Variants in HMG20A observed in about 807,000 individuals in gnomAD.
The protein encoded by HMG20A is high mobility group 20A, also known as high mobility group protein 20A.
A neutral mutation model predicts 43.9 loss-of-function variants in HMG20A; 17 were observed. The observed-to-expected ratio is 0.39, with a 90% CI of 0.27 to 0.58. The LOEUF is 0.58. HMG20A is among the 20% of genes least tolerant of loss of function. The probability of loss-of-function intolerance (pLI) is 0.59; values close to 1 mark genes in which losing one functional copy is unlikely to be tolerated. For synonymous variants in HMG20A, 132 were observed against 147.5 expected (o/e 0.89, Z 0.76); for missense variants, 341 against 438.2 (o/e 0.78, Z 1.98).
chr15:77,486,404 G>A (rs2072945827), downstream of HMG20A, among the ~76,000 whole-genome samples: 1 of 151,932 alleles, frequency 6.6e-6, no homozygotes, highest in African/African-American at 2.4e-5. Flanking sequence ...GGGATTACAG[G>A]TGCACGCCAC....
intron 1 of HMG20A, among the ~76,000 whole-genome samples, chr15:77,454,163 T>TAAA (rs531023947): frequency 7.7e-6 from 1 of 129,318 alleles, no homozygotes; most frequent in African/African-American, 2.9e-5. Context: ...CCCTGTCTCT[T>TAAA]AAAAAAAAAA....
In HMG20A at chr15:77,484,850, A is replaced by C. The variant is rs773597716; in HGVS notation, c.*1887A>C. On this transcript the variant is annotated 3_prime_UTR_variant, in exon 10 of 10. Coordinates refer to ENST00000336216, the MANE Select transcript of HMG20A (RefSeq NM_001304504.2). ...TATGGCAGAAGGACATCCAGAGCCC[A>C]TTCTGGAGTTTTGTTTTTTCCTTCT... 7 of 152,164 alleles carry C rather than the reference A, an allele frequency of 4.6e-5. No homozygotes were observed. The highest frequency in any genetic ancestry group is 1.0e-4 in the Non-Finnish European group (7 of 68,042). 9.4% of individuals were successfully genotyped at this position (152,164 alleles called of 1,614,324 possible). A position where few individuals can be genotyped will look rare whatever the true frequency, so the allele number is the denominator to read the frequency against.
At chr15:77,448,166 A>G (rs1483204891) in intron 1 of HMG20A, among the ~76,000 whole-genome samples, 1 of 152,164 alleles carries the variant, frequency 6.6e-6, no homozygotes, top group East Asian at 1.9e-4. Context: ...CGCTTCCCAA[A>G]TGATTTCCTT....
At chr15:77,430,639 A>C (rs2073474834) in intron 1 of HMG20A, among the ~76,000 whole-genome samples, 1 of 152,228 alleles carries the variant, frequency 6.6e-6, no homozygotes, top group East Asian at 1.9e-4. Context: ...CGGAGCAGAC[A>C]AAACTTGGAT....
chr15:77,467,057 G>T, intron 3 of HMG20A, 38 bp from the exon 4 acceptor site: 1 of 1,545,196 alleles, frequency 6.5e-7, no homozygotes, highest in Admixed American at 1.8e-5. Flanking sequence ...GATGGTTGTT[G>T]TTTGGTTTTT....
At chr15:77,422,340 A>G (rs1391226437) in intron 1 of HMG20A, among the ~76,000 whole-genome samples, 1 of 152,176 alleles carries the variant, frequency 6.6e-6, no homozygotes, top group Non-Finnish European at 1.5e-5. Context: ...GTTTTTTTAA[A>G]AAGCTGTTTG....
chr15:77,474,031 CTG>C (rs897763343), intron 6 of HMG20A, among the ~76,000 whole-genome samples: 2 of 152,128 alleles, frequency 1.3e-5, no homozygotes. Flanking sequence ...AGTTTTAAAA[CTG>C]TTTTTAAACA....
chr15:77,476,510 AAAG>A (rs1297750827), intron 6 of HMG20A, among the ~76,000 whole-genome samples: 3 of 146,650 alleles, frequency 2.0e-5, no homozygotes, highest in Admixed American at 6.8e-5. Flanking sequence ...AAAAAAAAAA[AAAG>A]CTAGTGGTGA....
intron 3 of HMG20A, among the ~76,000 whole-genome samples, chr15:77,465,127 T>C (rs2142336611): frequency 6.6e-6 from 1 of 151,548 alleles, no homozygotes; most frequent in East Asian, 2.0e-4. Flanking sequence ...CCAGGTGCAG[T>C]GGTGTGTGCC....
the HMG20A span, among the ~76,000 whole-genome samples, chr15:77,503,102 A>G: frequency 6.6e-6 from 1 of 152,182 alleles, no homozygotes; most frequent in African/African-American, 2.4e-5. Flanking sequence ...ATTCTTTTTT[A>G]AGGAAGATGC....
the HMG20A span, among the ~76,000 whole-genome samples, chr15:77,506,825 T>C: frequency 2.0e-5 from 3 of 152,238 alleles, no homozygotes; most frequent in Admixed American, 1.3e-4. Flanking sequence ...TGTAGGCGTT[T>C]CAGTGCCCCT....
chr15:77,504,915 G>T, the HMG20A span, among the ~76,000 whole-genome samples: 1 of 152,208 alleles, frequency 6.6e-6, no homozygotes, highest in Admixed American at 6.5e-5. Flanking sequence ...AGCAATAGGG[G>T]CCATGACATG....
intron 1 of HMG20A, among the ~76,000 whole-genome samples, chr15:77,444,330 T>G (rs944590655): frequency 6.6e-6 from 1 of 152,132 alleles, no homozygotes; most frequent in Non-Finnish European, 1.5e-5. Context: ...AACAAATCGT[T>G]CTGTAGATTC....
chr15:77,463,875 A>G (rs1277408987), intron 2 of HMG20A, among the ~76,000 whole-genome samples: 1 of 152,160 alleles, frequency 6.6e-6, no homozygotes, highest in East Asian at 1.9e-4. Flanking sequence ...CACTTTTTTC[A>G]TTAATAGTGT....
At chr15:77,477,679 C>T in intron 7 of HMG20A, 49 bp downstream of exon 7, 2 of 1,267,782 alleles carry the variant, frequency 1.6e-6, no homozygotes, top group Non-Finnish European at 2.3e-6. Flanking sequence ...TGACAGGGGA[C>T]TTAGTTCTCA....
At chr15:77,442,421 G>A (rs921264258) in intron 1 of HMG20A, among the ~76,000 whole-genome samples, 17 of 152,110 alleles carry the variant, frequency 1.1e-4, no homozygotes, top group African/African-American at 4.1e-4. Context: ...TGCACTCATG[G>A]GGAAATACTG....
At chr15:77,478,546 G>A (rs202155308) in intron 8 of HMG20A, 36 bp downstream of exon 8, 285 of 1,557,228 alleles carry the variant, frequency 1.8e-4, no homozygotes, top group Admixed American at 5.1e-5. Flanking sequence ...CAGTGACAGG[G>A]GTGTGTGTGT....
At chr15:77,478,228 G>A (rs1422197290) in intron 7 of HMG20A, 67 bp from the exon 8 acceptor site, 11 of 1,510,112 alleles carry the variant, frequency 7.3e-6, no homozygotes, top group Non-Finnish European at 6.4e-6. Context: ...TTCCCTGTAA[G>A]AGTCATTGGG....
chr15:77,459,332 A>G (rs573429355), intron 2 of HMG20A, among the ~76,000 whole-genome samples: 19 of 152,314 alleles, frequency 1.2e-4, no homozygotes, highest in South Asian at 6.2e-4. Context: ...AGTATCTGCT[A>G]TGTGTCATTG....
Sources: allele counts gnomAD v4.1 joint callset (sites outside exome capture counted in the v4.1 genomes callset), GRCh38; gene constraint gnomAD v4.1.1; transcripts MANE v1.5; gene names NCBI Gene and HGNC (gene_info 2026-07-23, HGNC 2026-07-21).